The following NAA38 variants were observed in gnomAD, a reference collection of about 807,000 sequenced individuals.
NAA38 encodes LSM domain containing 1.
In NAA38, 15 loss-of-function variants were observed where a neutral mutation model predicts 12.6. The observed-to-expected ratio is 1.19, with a 90% CI of 0.79 to 1.83. The LOEUF (loss-of-function observed/expected upper bound fraction) is 1.83, where lower values mean the gene tolerates loss of function less well. Among genes scored for constraint, NAA38 ranks in the 40% most tolerant of loss-of-function variants. The pLI, the probability that NAA38 is intolerant of heterozygous loss-of-function variation, is 0.00. For missense variants in NAA38, 183 were observed against 171.7 expected (o/e 1.07, Z -0.37); for synonymous variants, 88 against 69.9 (o/e 1.26, Z -1.29).
chr17:7,869,823 A>G (rs1967055455), intron 2 of NAA38, among the ~76,000 whole-genome samples: 1 of 152,110 alleles, frequency 6.6e-6, no homozygotes, highest in African/African-American at 2.4e-5. Context: ...AGATGGTGAA[A>G]GGGCCCAAGA....
chr17:7,857,846 G>C, upstream of NAA38: 1 of 1,363,704 alleles, frequency 7.3e-7, no homozygotes, highest in Non-Finnish European at 9.5e-7. Flanking sequence ...GAGCGTATTC[G>C]TTCTCTGCCC....
intron 2 of NAA38, among the ~76,000 whole-genome samples, chr17:7,871,874 C>T (rs910681670): frequency 6.6e-6 from 1 of 152,130 alleles, no homozygotes. Flanking sequence ...AGGCTGGTCT[C>T]GAACTCCTGA....
At chr17:7,870,003 C>G (rs1049575848) in intron 2 of NAA38, among the ~76,000 whole-genome samples, 2 of 152,144 alleles carry the variant, frequency 1.3e-5, no homozygotes, top group Admixed American at 1.3e-4. Context: ...CAACAGAAAA[C>G]TATTAAGAAA....
At chr17:7,880,016 GAA>G (rs1967244018) in intron 2 of NAA38, among the ~76,000 whole-genome samples, 1 of 151,822 alleles carries the variant, frequency 6.6e-6, no homozygotes, top group Non-Finnish European at 1.5e-5. Context: ...GAGAGAGAGA[GAA>G]AGAGAGAAGA....
intron 2 of NAA38, among the ~76,000 whole-genome samples, chr17:7,882,515 G>C (rs1376715617): frequency 6.6e-6 from 1 of 152,074 alleles, no homozygotes; most frequent in Non-Finnish European, 1.5e-5. Context: ...GACATAAATA[G>C]AGAGAAGCCC....
At position 7,885,040 on chromosome 17, in the gene NAA38, G is replaced by GCCGCCGCCA. The variant is rs1313572441; in HGVS notation, c.-167+116_-167+124dup. 3.6e-6 allele frequency: 4 copies of GCCGCCGCCA among 1,113,918 alleles called. No individual in the cohort carries two copies. In the African/African-American group the frequency reaches 6.8e-5, roughly 19 times the overall value. The allele number at this position is 1,113,918 out of a possible 1,614,324, so 69.0% of individuals were successfully genotyped here. A position where few individuals can be genotyped will look rare whatever the true frequency, so the allele number is the denominator to read the frequency against. On this transcript the variant is annotated intron_variant, in intron 1 of 4. Coordinates refer to the NAA38 transcript ENST00000576861. ...GCCACCTCTTCCCGCCGCCGCCGCC[G>GCCGCCGCCA]CCGCCGCCACCGCTGCCCCCGCCGC...
At chr17:7,857,299 A>G (rs1345726228) in intron 1 of NAA38, 84 bp downstream of exon 1, 1 of 1,612,030 alleles carries the variant, frequency 6.2e-7, no homozygotes, top group Non-Finnish European at 8.5e-7. Flanking sequence ...CAAAGCCCAG[A>G]GGCTGCCGGG....
chr17:7,857,797 C>T, upstream of NAA38: 1 of 1,317,392 alleles, frequency 7.6e-7, no homozygotes, highest in Non-Finnish European at 9.7e-7. Context: ...ATAGTCTGTC[C>T]TAAATATCCC....
intron 2 of NAA38, among the ~76,000 whole-genome samples, chr17:7,874,808 C>T (rs1212328725): frequency 1.3e-5 from 2 of 149,608 alleles, no homozygotes; most frequent in Admixed American, 6.7e-5. Flanking sequence ...ATCGCTTGAA[C>T]CAGGAGGTGG....
chr17:7,858,425 C>T (rs1344487138), upstream of NAA38: 2 of 1,614,162 alleles, frequency 1.2e-6, no homozygotes, highest in South Asian at 1.1e-5. Flanking sequence ...TGAAACCCAT[C>T]GTGGAAGTTG....
At chr17:7,885,046 G>A (rs938708837) in intron 1 of NAA38, 70 of 1,048,738 alleles carry the variant, frequency 6.7e-5, no homozygotes, top group Non-Finnish European at 7.3e-5. Flanking sequence ...CGCCGCCGCC[G>A]CCACCGCTGC....
chr17:7,878,818 G>A (rs1204657149), intron 2 of NAA38, among the ~76,000 whole-genome samples: 9 of 151,976 alleles, frequency 5.9e-5, no homozygotes, highest in Non-Finnish European at 1.2e-4. Flanking sequence ...AGTATAAAAA[G>A]TCATTTTCTT....
At chr17:7,872,901 C>T (rs1339645994) in intron 2 of NAA38, among the ~76,000 whole-genome samples, 5 of 152,050 alleles carry the variant, frequency 3.3e-5, no homozygotes, top group South Asian at 2.1e-4. Flanking sequence ...TAGACTGATA[C>T]GACAGTGGAG....
chr17:7,880,215 G>A (rs946920059), intron 2 of NAA38, among the ~76,000 whole-genome samples: 1 of 151,814 alleles, frequency 6.6e-6, no homozygotes. Context: ...AGAAGAGAGG[G>A]GAGAGGGCCA....
chr17:7,884,881 A>C, intron 1 of NAA38: 4 of 1,214,424 alleles, frequency 3.3e-6, no homozygotes, highest in Non-Finnish European at 2.2e-6. Context: ...AAGAGGAGGA[A>C]GAAGAGGGCG....
At chr17:7,866,572 C>A (rs1966987240) in intron 2 of NAA38, 5 of 1,168,208 alleles carry the variant, frequency 4.3e-6, no homozygotes, top group Non-Finnish European at 5.4e-6. Context: ...AAATGCCCCC[C>A]AAGCTTTGCA....
Position 7,877,454 on chromosome 17 carries a change from CTTTTTTCT to C in NAA38, c.-66+5773_-66+5780del, listed in dbSNP as rs1490753646. On this transcript the variant is annotated intron_variant, in intron 2 of 4. Transcript: ENST00000576861. ...CTACATACAGAAGTAACTCATTTTT[CTTTTTTCT>C]TTTTCTTTTTAATGGCCTGCGACAC... is the stretch of plus-strand genomic sequence containing the variant. 3.7e-5 allele frequency among the ~76,000 whole-genome samples: 5 copies of C among 133,596 alleles called. No individual in the cohort carries two copies. The East Asian group carries it at 2.7e-3, about 73-fold the overall frequency. 87.6% of individuals were successfully genotyped at this position (133,596 alleles called of 152,430 possible). A position where few individuals can be genotyped will look rare whatever the true frequency, so the allele number is the denominator to read the frequency against.
chr17:7,875,165 A>T (rs1319989871), intron 2 of NAA38, among the ~76,000 whole-genome samples: 1 of 152,140 alleles, frequency 6.6e-6, no homozygotes, highest in African/African-American at 2.4e-5. Context: ...ACTGCACTCC[A>T]GCCTGGGTGA....
upstream of NAA38, chr17:7,859,411 C>A: frequency 6.2e-7 from 1 of 1,614,066 alleles, no homozygotes; most frequent in South Asian, 1.1e-5. Context: ...TATGGGAAAT[C>A]CTACACCGCT....
Sources: gnomAD v4.1 joint callset for allele counts (sites outside exome capture counted in the v4.1 genomes callset) on GRCh38, gnomAD v4.1.1 for gene constraint, MANE v1.5 for transcripts, NCBI Gene and HGNC (gene_info 2026-07-23, HGNC 2026-07-21) for gene names.